Variants in VIPR2 observed in about 807,000 individuals in gnomAD.
VIPR2 encodes vasoactive intestinal polypeptide receptor 2.
A neutral mutation model predicts 58.0 loss-of-function variants in VIPR2; 48 were observed. That is an observed-to-expected ratio of 0.83 (90% CI 0.66 to 1.05). The LOEUF (loss-of-function observed/expected upper bound fraction) is 1.05, where lower values mean the gene tolerates loss of function less well. Ranked by LOEUF, VIPR2 falls within the 50% of genes least tolerant of loss-of-function variation. The pLI is 0.00. For missense variants in VIPR2, 534 were observed against 558.0 expected (o/e 0.96, Z 0.43); for synonymous variants, 243 against 235.2 (o/e 1.03, Z -0.30).
In VIPR2 at chr7:159,093,626, A is replaced by G. The variant is rs1346455634; in HGVS notation, c.357+10131T>C. On this transcript the variant is annotated intron_variant, in intron 4 of 12. Coordinates refer to ENST00000262178, the MANE Select transcript of VIPR2 (RefSeq NM_003382.5). The surrounding 1 kb of genome is among the most constrained non-coding windows in gnomAD (Gnocchi z 6.7). ...GGAGCGAGGAGCTGTTCCACCCACA[A>G]CAAGCAGGTGCCCACAGCGTCCCTG... 1.3e-5 allele frequency among the ~76,000 whole-genome samples: 2 copies of G among 152,064 alleles called. No individual in the cohort carries two copies. Among genetic ancestry groups the G allele is most frequent in the Admixed American group, 6.6e-5 (1 of 15,264 alleles).
chr7:159,100,786 C>A (rs540312371), intron 4 of VIPR2, among the ~76,000 whole-genome samples: 2 of 148,044 alleles, frequency 1.4e-5, no homozygotes, highest in South Asian at 2.2e-4. Flanking sequence ...TCCGACGAGG[C>A]GGTTCCCCCA....
chr7:159,049,485 G>A (rs1469051000), intron 5 of VIPR2, among the ~76,000 whole-genome samples: 1 of 152,180 alleles, frequency 6.6e-6, no homozygotes, highest in Non-Finnish European at 1.5e-5. Context: ...CACAGAGGGT[G>A]TTCAGAAAGG....
At position 159,127,467 on chromosome 7, in the gene VIPR2, A is replaced by C. The variant is rs1796697620; in HGVS notation, c.151+14979T>G. Among the ~76,000 whole-genome samples the C allele has an allele frequency of 6.6e-6, 1 of 152,242 alleles. No individual in the cohort carries two copies. Among genetic ancestry groups the C allele is most frequent in the Non-Finnish European group, 1.5e-5 (1 of 68,038 alleles). On this transcript the variant is annotated intron_variant, in intron 2 of 12. Transcript: ENST00000262178. This position sits in a 1 kb window ranked among gnomAD's most constrained non-coding sequence, Gnocchi z 4.6. ...ACGTTTATAGGTCCAGATAGAACCTATGAATTTTTAAGAATGTGCTGAATC... is the reference window on the plus strand; with the variant it reads ...ACGTTTATAGGTCCAGATAGAACCTCTGAATTTTTAAGAATGTGCTGAATC...
intron 2 of VIPR2, among the ~76,000 whole-genome samples, chr7:159,141,695 T>G (rs1797471546): frequency 6.6e-6 from 1 of 152,284 alleles, no homozygotes; most frequent in Admixed American, 6.5e-5. Context: ...TAATGTGGCT[T>G]GCATTCTGTT....
chr7:159,030,657 G>C lies in VIPR2; in HGVS notation c.1276C>G (p.Arg426Gly), dbSNP rs924890200. Residue 426 changes from arginine to glycine, a missense_variant, in exon 13 of 13, where the codon CGC becomes GGC. Arg to Gly is a moderately radical substitution (Grantham distance 125). Transcript: ENST00000262178. ...TCCGTTTGCAGGAAGGACTGGGCGC[G>C]GGAGCCGCGGTGGAACTGCAGGGCG... ...EGALQFHRGS[R>G]AQSFLQTETS... is the part of the protein sequence containing the mutation. 1 of 1,560,072 alleles carries C rather than the reference G, an allele frequency of 6.4e-7. No homozygotes were observed. Among genetic ancestry groups the C allele is most frequent in the Non-Finnish European group, 8.7e-7 (1 of 1,153,558 alleles).
At chr7:159,120,418 G>C (rs1210186191) in intron 2 of VIPR2, among the ~76,000 whole-genome samples, 2 of 170 alleles carry the variant, frequency 0.012, no homozygotes, top group African/African-American at 0.056. Flanking sequence ...ATGAAGGCAG[G>C]GACAGAGGGG....
intron 2 of VIPR2, among the ~76,000 whole-genome samples, chr7:159,111,740 G>C (rs1796010930): frequency 6.6e-6 from 1 of 152,036 alleles, no homozygotes; most frequent in Non-Finnish European, 1.5e-5. Context: ...TGGGTGTAGT[G>C]ACTCATGTTT....
intron 5 of VIPR2, among the ~76,000 whole-genome samples, chr7:159,052,509 A>G (rs761142500): frequency 3.3e-5 from 5 of 152,208 alleles, no homozygotes; most frequent in Non-Finnish European, 7.3e-5. Flanking sequence ...TATCTAACCT[A>G]AACTACTCCA....
chr7:159,067,399 T>C (rs1856153031), intron 4 of VIPR2, among the ~76,000 whole-genome samples: 1 of 152,210 alleles, frequency 6.6e-6, no homozygotes, highest in Admixed American at 6.5e-5. Flanking sequence ...CCAGAACTTA[T>C]AAAGCATGAT....
intron 4 of VIPR2, among the ~76,000 whole-genome samples, chr7:159,062,520 C>CCT (rs1348583051): frequency 1.3e-5 from 2 of 152,028 alleles, no homozygotes; most frequent in African/African-American, 2.4e-5. Flanking sequence ...TAAGGCGGCC[C>CCT]CTCTCTGGAG....
intron 2 of VIPR2, among the ~76,000 whole-genome samples, chr7:159,140,400 A>G (rs918579906): frequency 1.3e-5 from 2 of 152,124 alleles, no homozygotes; most frequent in African/African-American, 4.8e-5. Flanking sequence ...ACTTACTTCT[A>G]TTTACATCCC....
intron 9 of VIPR2, 125 bp downstream of exon 9, chr7:159,034,456 T>C: frequency 7.7e-7 from 1 of 1,300,662 alleles, no homozygotes; most frequent in Non-Finnish European, 1.1e-6. Flanking sequence ...GAAGAGGTCC[T>C]TTTCCGGGAA....
At chr7:159,083,683 T>G (rs1188367474) in intron 4 of VIPR2, among the ~76,000 whole-genome samples, 4 of 152,206 alleles carry the variant, frequency 2.6e-5, no homozygotes, top group Non-Finnish European at 5.9e-5. Context: ...CCAGGTCTGG[T>G]GGACACGTTT....
chr7:159,110,696 AAACAAAC>A (rs1435788786), intron 2 of VIPR2, among the ~76,000 whole-genome samples: 4,202 of 118,936 alleles, frequency 0.035, 79 homozygotes, highest in Non-Finnish European at 0.053. Flanking sequence ...TTGGTCGGTA[AAACAAAC>A]AAACAAACAA....
chr7:159,037,364 C>T (rs1585334018), intron 6 of VIPR2, among the ~76,000 whole-genome samples: 1 of 152,128 alleles, frequency 6.6e-6, no homozygotes. Context: ...GTGGCAGGGG[C>T]CCTGCAGGGG....
intron 4 of VIPR2, among the ~76,000 whole-genome samples, chr7:159,065,125 T>C (rs1856007902): frequency 6.6e-6 from 1 of 152,178 alleles, no homozygotes; most frequent in African/African-American, 2.4e-5. Flanking sequence ...TTGGCTCTCC[T>C]AAAGGCTTGA....
At chr7:159,063,570 G>C (rs1855852848) in intron 4 of VIPR2, among the ~76,000 whole-genome samples, 1 of 151,818 alleles carries the variant, frequency 6.6e-6, no homozygotes, top group Non-Finnish European at 1.5e-5. Flanking sequence ...TCCCAGAAAC[G>C]GGCTCCCACA....
At chr7:159,101,153 C>T (rs1858198749) in intron 4 of VIPR2, among the ~76,000 whole-genome samples, 1 of 134,700 alleles carries the variant, frequency 7.4e-6, no homozygotes, top group African/African-American at 2.9e-5. Context: ...CTCATGAGAT[C>T]CGACGAGGCC....
chr7:159,093,397 C>T lies in VIPR2; in HGVS notation c.357+10360G>A, dbSNP rs535503321. ...CTTTAGTAGAAGTCAGGGCAGGCAC[C>T]GCGGCTCCACGCTTACTTTCGAGGG... On this transcript the variant is annotated intron_variant, in intron 4 of 12. Transcript: ENST00000262178. The surrounding 1 kb of genome is among the most constrained non-coding windows in gnomAD (Gnocchi z 6.7). 7.2e-5 allele frequency among the ~76,000 whole-genome samples: 11 copies of T among 152,298 alleles called. No individual in the cohort carries two copies. Among genetic ancestry groups the T allele is most frequent in the Middle Eastern group, 3.4e-3 (1 of 294 alleles).
Sources: gnomAD v4.1 joint callset for allele counts (sites outside exome capture counted in the v4.1 genomes callset) on GRCh38, gnomAD v4.1.1 for gene constraint, Gnocchi (gnomAD v3.1) non-coding constraint, MANE v1.5 for transcripts, NCBI Gene and HGNC (gene_info 2026-07-23, HGNC 2026-07-21) for gene names.